The following COLEC10 variants were observed in gnomAD, a reference collection of about 807,000 sequenced individuals.
The protein encoded by COLEC10 is collectin-10.
COLEC10 carries 22 observed loss-of-function variants against 28.4 expected under a neutral mutation model. That is an observed-to-expected ratio of 0.78 (90% CI 0.55 to 1.11). The LOEUF is 1.11. COLEC10 is among the 50% of genes least tolerant of loss of function. The pLI is 0.00. For synonymous variants in COLEC10, 125 were observed against 116.1 expected (o/e 1.08, Z -0.49); for missense variants, 361 against 344.1 (o/e 1.05, Z -0.39).
At position 119,105,893 on chromosome 8, in the gene COLEC10, G is replaced by A. The variant is rs372901535; in HGVS notation, c.536G>A (p.Arg179Gln). 1.5e-5 allele frequency: 24 copies of A among 1,613,800 alleles called. No homozygotes were observed. Among genetic ancestry groups the A allele is most frequent in the African/African-American group, 6.7e-5 (5 of 75,014 alleles). Residue 179 changes from arginine (R) to glutamine (Q), a missense_variant, in exon 6 of 6, where the codon CGG becomes CAG. By Grantham distance (43) the Arg-to-Gln change is conservative. This residue lies in a region of COLEC10 where 335 missense variants were observed against 308.5 expected (regional missense o/e 1.09). Coordinates refer to ENST00000332843, the MANE Select transcript of COLEC10 (RefSeq NM_006438.5). ...YRESLTHCRI[R>Q]GGMLAMPKDE... ...GAATCCCTAACCCACTGCAGGATTC[G>A]GGGTGGAATGCTAGCCATGCCCAAG...
chr8:119,037,080 G>T (rs1249864142), intron 2 of COLEC10, among the ~76,000 whole-genome samples: 4 of 152,088 alleles, frequency 2.6e-5, no homozygotes, highest in African/African-American at 9.7e-5. Flanking sequence ...AGCTGAAGGG[G>T]CAAAAAATCC....
At chr8:119,089,630 C>A (rs1815548474) in intron 1 of COLEC10, 50 bp from the exon 2 acceptor site, 2 of 1,424,268 alleles carry the variant, frequency 1.4e-6, no homozygotes, top group South Asian at 1.2e-5. Context: ...AGAATGTGCT[C>A]ATGTTACTGT....
Position 119,035,124 on chromosome 8 carries a change from C to G in COLEC10, n.235+25571C>G, listed in dbSNP as rs775372224. Among the ~76,000 whole-genome samples the G allele has an allele frequency of 5.3e-5, 8 of 152,302 alleles. 1 individual carries two copies. The South Asian group carries it at 1.5e-3, about 28-fold the overall frequency. ...GTAACAACAGCCACACATGCTGCAT[C>G]AATTTGCAAACAGAATGAAAAATAA... On this transcript the variant is annotated intron_variant and non_coding_transcript_variant, in intron 2 of 6. Transcript: ENST00000521788.
chr8:119,107,711 G>A lies in COLEC10; in HGVS notation c.*1520G>A, dbSNP rs1815978119. Among the ~76,000 whole-genome samples the A allele has an allele frequency of 6.6e-6, 1 of 152,154 alleles. No homozygotes were observed. Among genetic ancestry groups the A allele is most frequent in the African/African-American group, 2.4e-5 (1 of 41,452 alleles). ...AAGTGGAACACGTGGGGACCCTAGT[G>A]CACTGAGCACAGCTTGCCCTTCCAA... is the stretch of plus-strand genomic sequence containing the variant. On this transcript the variant is annotated 3_prime_UTR_variant, in exon 6 of 6. Coordinates refer to ENST00000332843, the MANE Select transcript of COLEC10 (RefSeq NM_006438.5).
At chr8:118,998,006 A>G (rs1019006119) in intron 1 of COLEC10, among the ~76,000 whole-genome samples, 1 of 152,196 alleles carries the variant, frequency 6.6e-6, no homozygotes, top group African/African-American at 2.4e-5. Context: ...TAGCACTGGA[A>G]TGTTCAACAT....
the COLEC10 span, among the ~76,000 whole-genome samples, chr8:118,955,107 G>T: frequency 1.3e-5 from 2 of 152,146 alleles, no homozygotes; most frequent in African/African-American, 2.4e-5. Context: ...TTAAAAAGAA[G>T]TTTTATTCTG....
chr8:118,956,849 A>G, the COLEC10 span, among the ~76,000 whole-genome samples: 1 of 152,198 alleles, frequency 6.6e-6, no homozygotes, highest in African/African-American at 2.4e-5. Context: ...AGATGTCTTC[A>G]TTAGATAAAA....
In COLEC10 at chr8:119,087,241, A is replaced by G. The variant is rs200308025; in HGVS notation, c.149-2439A>G. The stretch of plus-strand genomic sequence containing the variant: ...GCTAAATTCTGGAGATGCTAGAAAA[A>G]ATCACTTATGATCCCACCATGCTTT... On this transcript the variant is annotated intron_variant, in intron 1 of 5. Transcript: ENST00000332843. Among the ~76,000 whole-genome samples the G allele has an allele frequency of 5.3e-5, 8 of 152,332 alleles. No individual in the cohort carries two copies. The East Asian group carries it at 1.4e-3, about 26-fold the overall frequency.
intron 2 of COLEC10, among the ~76,000 whole-genome samples, chr8:119,050,229 T>G (rs1018684083): frequency 6.6e-6 from 1 of 152,218 alleles, no homozygotes; most frequent in Non-Finnish European, 1.5e-5. Context: ...TCTTGTAATT[T>G]ATAACTTTTA....
intron 1 of COLEC10, among the ~76,000 whole-genome samples, chr8:118,998,631 G>A (rs1350387607): frequency 1.3e-5 from 2 of 149,928 alleles, no homozygotes; most frequent in Non-Finnish European, 3.0e-5. Flanking sequence ...GAGGTCAGGA[G>A]ATCAAGACCA....
intron 2 of COLEC10, among the ~76,000 whole-genome samples, chr8:119,036,255 T>G (rs7001284): frequency 0.011 from 1,704 of 152,334 alleles, 30 homozygotes; most frequent in African/African-American, 0.037. Context: ...GTATATTATT[T>G]CTTTTACACA....
chr8:119,035,794 A>G (rs7018198), intron 2 of COLEC10, among the ~76,000 whole-genome samples: 88,704 of 152,020 alleles, frequency 0.58, 26,564 homozygotes, highest in African/African-American at 0.72. Flanking sequence ...GGTTATGTTA[A>G]CAGGACCCTG....
At chr8:118,969,504 A>G in the COLEC10 span, among the ~76,000 whole-genome samples, 8 of 152,000 alleles carry the variant, frequency 5.3e-5, no homozygotes, top group African/African-American at 1.7e-4. Context: ...AGCAGTAAAC[A>G]TCTGATCTAT....
At chr8:118,999,151 T>A (rs1183154799) in intron 1 of COLEC10, among the ~76,000 whole-genome samples, 2 of 152,174 alleles carry the variant, frequency 1.3e-5, no homozygotes, top group Non-Finnish European at 2.9e-5. Flanking sequence ...ATAAATACAT[T>A]CATTTATTTA....
At chr8:119,013,291 G>T (rs1813932599) in intron 2 of COLEC10, among the ~76,000 whole-genome samples, 1 of 149,936 alleles carries the variant, frequency 6.7e-6, no homozygotes, top group Non-Finnish European at 1.5e-5. Flanking sequence ...TCTTTCTATT[G>T]ATTTCTAGTT....
At chr8:119,102,515 A>G (rs934928904) in intron 4 of COLEC10, 114 bp downstream of exon 4, 6 of 863,596 alleles carry the variant, frequency 6.9e-6, no homozygotes, top group Non-Finnish European at 1.1e-5. Context: ...GCTTAACCTT[A>G]TTTTCCTCAG....
upstream of COLEC10, among the ~76,000 whole-genome samples, chr8:118,994,562 G>A (rs1297369971): frequency 6.6e-6 from 1 of 152,144 alleles, no homozygotes; most frequent in Non-Finnish European, 1.5e-5. Flanking sequence ...TTCAGACAAG[G>A]AAACAAAGTC....
At chr8:119,089,183 T>G (rs2130277022) in intron 1 of COLEC10, among the ~76,000 whole-genome samples, 1 of 152,348 alleles carries the variant, frequency 6.6e-6, no homozygotes, top group Admixed American at 6.5e-5. Flanking sequence ...CAGTTGCCTA[T>G]GATTAAGACA....
At chr8:118,952,368 G>A in the COLEC10 span, among the ~76,000 whole-genome samples, 3 of 152,298 alleles carry the variant, frequency 2.0e-5, no homozygotes, top group South Asian at 6.2e-4. Flanking sequence ...TCCTCTCGCT[G>A]GGCGAAAGCT....
Sources: allele counts gnomAD v4.1 joint callset (sites outside exome capture counted in the v4.1 genomes callset), GRCh38; gene constraint gnomAD v4.1.1; regional missense constraint gnomAD v4.1.1; transcripts MANE v1.5; gene names NCBI Gene and HGNC (gene_info 2026-07-23, HGNC 2026-07-21).